The following BDKRB2 variants were observed in gnomAD, a reference collection of about 807,000 sequenced individuals.
The protein encoded by BDKRB2 is bradykinin receptor B2, also known as B2 bradykinin receptor.
In BDKRB2, 6 loss-of-function variants were observed where a neutral mutation model predicts 4.0. The ratio of observed to expected loss-of-function variants is 1.49; its 90% CI spans 0.81 to 2.93. The LOEUF is 2.93. Among genes scored for constraint, BDKRB2 ranks in the 30% most tolerant of loss-of-function variants. The pLI is 0.00. For missense variants in BDKRB2, 478 were observed against 520.1 expected, an observed-to-expected ratio of 0.92 and a Z score of 0.79; for synonymous variants, 225 against 215.3, an observed-to-expected ratio of 1.05 and a Z score of -0.40.
intron 1 of BDKRB2, among the ~76,000 whole-genome samples, chr14:96,226,434 A>T (rs1229152142): frequency 2.0e-5 from 3 of 152,036 alleles, no homozygotes; most frequent in Admixed American, 6.5e-5. Flanking sequence ...CGGGCGGATT[A>T]CCTGAGGTCG....
chr14:96,236,477 C>T (rs368059758), intron 1 of BDKRB2, among the ~76,000 whole-genome samples: 12 of 152,326 alleles, frequency 7.9e-5, no homozygotes, highest in African/African-American at 2.4e-4. Flanking sequence ...ACACCTGCCT[C>T]GCCCCTGTCC....
intron 1 of BDKRB2, among the ~76,000 whole-genome samples, chr14:96,211,344 G>A (rs1414935690): frequency 6.6e-6 from 1 of 152,198 alleles, no homozygotes; most frequent in East Asian, 1.9e-4. Context: ...TGCACCTGGG[G>A]TACATCACCC....
intron 2 of BDKRB2, chr14:96,238,736 CT>C (rs1885179042): frequency 1.0e-6 from 1 of 984,610 alleles, no homozygotes; most frequent in Non-Finnish European, 1.2e-6. Flanking sequence ...CAAAATGCTT[CT>C]TATCCTTCAA....
In BDKRB2 at chr14:96,205,408, T is replaced by C. The variant is rs117840361; in HGVS notation, c.-40+449T>C. 0.015 allele frequency among the ~76,000 whole-genome samples: 2,269 copies of C among 148,958 alleles called. 121 individuals carry two copies. The East Asian group carries it at 0.16, about 10-fold the overall frequency. ...CCCTGGACAAGCTATTCAACCTCTCTGAGCCTCAGTTTCTCTGTCTGCAAA... is the reference window on the plus strand; with the variant it reads ...CCCTGGACAAGCTATTCAACCTCTCCGAGCCTCAGTTTCTCTGTCTGCAAA... On this transcript the variant is annotated intron_variant, in intron 1 of 2. Coordinates refer to ENST00000554311, the MANE Select transcript of BDKRB2 (RefSeq NM_001379692.1).
intron 1 of BDKRB2, among the ~76,000 whole-genome samples, chr14:96,217,251 T>C (rs1014123591): frequency 1.3e-5 from 2 of 152,226 alleles, no homozygotes; most frequent in Non-Finnish European, 2.9e-5. Context: ...TCTCTGTGCA[T>C]GCATGTGCAA....
At chr14:96,238,284 C>A in intron 2 of BDKRB2, 1 of 437,542 alleles carries the variant, frequency 2.3e-6, no homozygotes, top group Non-Finnish European at 3.0e-6. Context: ...CACATCCTTC[C>A]AAGTAAGCAA....
At chr14:96,221,474 G>A (rs1384180766) in intron 1 of BDKRB2, among the ~76,000 whole-genome samples, 2 of 152,122 alleles carry the variant, frequency 1.3e-5, no homozygotes, top group African/African-American at 2.4e-5. Flanking sequence ...CTCAAGTAGG[G>A]TATGCGAGGA....
chr14:96,220,098 C>A (rs184100565), intron 1 of BDKRB2, among the ~76,000 whole-genome samples: 10 of 152,078 alleles, frequency 6.6e-5, no homozygotes, highest in Admixed American at 2.0e-4. Context: ...CATTTACCAG[C>A]ACCCCACTAC....
At chr14:96,227,321 A>G (rs1047978434) in intron 1 of BDKRB2, among the ~76,000 whole-genome samples, 4 of 152,192 alleles carry the variant, frequency 2.6e-5, no homozygotes, top group African/African-American at 7.2e-5. Context: ...TTAACCCCAC[A>G]AAGTAGGTGC....
intron 1 of BDKRB2, among the ~76,000 whole-genome samples, chr14:96,228,900 C>G (rs577668887): frequency 6.6e-6 from 1 of 152,336 alleles, no homozygotes; most frequent in Non-Finnish European, 1.5e-5. Context: ...CTGGCCCTGC[C>G]TCTGATGAGC....
At chr14:96,209,405 AT>A (rs977263639) in intron 1 of BDKRB2, among the ~76,000 whole-genome samples, 1 of 152,136 alleles carries the variant, frequency 6.6e-6, no homozygotes, top group Non-Finnish European at 1.5e-5. Flanking sequence ...TTTGAAGTTT[AT>A]TTTGCCAAGA....
intron 2 of BDKRB2, chr14:96,237,924 G>A: frequency 1.6e-6 from 2 of 1,238,290 alleles, no homozygotes; most frequent in Non-Finnish European, 2.1e-6. Flanking sequence ...TTGGTCTCTA[G>A]TGAGTTAGCT....
chr14:96,213,520 ACACACACACACAC>A (rs1890350686), intron 1 of BDKRB2, among the ~76,000 whole-genome samples: 1 of 151,650 alleles, frequency 6.6e-6, no homozygotes, highest in South Asian at 2.1e-4. Flanking sequence ...ACACACACAC[ACACACACACACAC>A]GTGTACACAC....
At chr14:96,238,608 C>T (rs906807002) in intron 2 of BDKRB2, 3 of 983,220 alleles carry the variant, frequency 3.1e-6, no homozygotes, top group Admixed American at 6.1e-5. Context: ...CTACTTCCCA[C>T]CTCTCCTGTC....
chr14:96,222,605 A>G (rs1595254053), intron 1 of BDKRB2, among the ~76,000 whole-genome samples: 1 of 152,190 alleles, frequency 6.6e-6, no homozygotes, highest in Middle Eastern at 3.4e-3. Context: ...ACGATATCAC[A>G]GGTTGTGAGA....
At position 96,243,961 on chromosome 14, in the gene BDKRB2, C is replaced by T. The variant is rs982136290; in HGVS notation, c.*2457C>T. ...CTGCCGCAATGGCCATGTGGGGATC[C>T]ACACCTGGTCTGAGGGGCAACTGAG... On this transcript the variant is annotated 3_prime_UTR_variant, in exon 3 of 3. Transcript: ENST00000554311. The T allele has an allele frequency of 7.8e-6, 3 of 382,348 alleles. No individual in the cohort carries two copies. The highest frequency in any genetic ancestry group is 1.5e-4 in the South Asian group (1 of 6,856). 23.7% of individuals were successfully genotyped at this position (382,348 alleles called of 1,614,324 possible).
Position 96,237,200 on chromosome 14 carries a change from T to C in BDKRB2, c.74+19T>C, listed in dbSNP as rs199844522. 38 of 1,603,580 alleles carry C rather than the reference T, an allele frequency of 2.4e-5. No individual in the cohort carries two copies. Among genetic ancestry groups the C allele is most frequent in the Non-Finnish European group, 3.0e-5 (35 of 1,170,416 alleles). ...CTTTCAGGTGAGTCAAAGGGATTCC[T>C]CAGTTCACTAGTTAGGGGAGGTGGG... On this transcript the variant is annotated intron_variant, in intron 2 of 2. Coordinates refer to ENST00000554311, the MANE Select transcript of BDKRB2 (RefSeq NM_001379692.1).
intron 1 of BDKRB2, among the ~76,000 whole-genome samples, chr14:96,227,985 C>T (rs951806376): frequency 6.6e-6 from 1 of 152,228 alleles, no homozygotes; most frequent in Non-Finnish European, 1.5e-5. Flanking sequence ...CAAGCTGCCC[C>T]CTGCACAGGG....
intron 1 of BDKRB2, among the ~76,000 whole-genome samples, chr14:96,221,607 G>T (rs1378714308): frequency 1.3e-5 from 2 of 152,128 alleles, no homozygotes; most frequent in South Asian, 4.1e-4. Context: ...GGGAGAGTCA[G>T]CTGTCTGGAA....
Sources: gnomAD v4.1 joint callset for allele counts (sites outside exome capture counted in the v4.1 genomes callset) on GRCh38, gnomAD v4.1.1 for gene constraint, MANE v1.5 for transcripts, NCBI Gene and HGNC (gene_info 2026-07-23, HGNC 2026-07-21) for gene names.